Variants in SMG5 observed in about 807,000 individuals in gnomAD.
SMG5 encodes the protein nonsense-mediated mRNA decay factor SMG5.
In SMG5, 53 loss-of-function variants were observed where a neutral mutation model predicts 122.9. The ratio of observed to expected loss-of-function variants is 0.43; its 90% CI spans 0.35 to 0.54. The LOEUF (loss-of-function observed/expected upper bound fraction) is 0.54. Among genes scored for constraint, SMG5 ranks in the 20% least tolerant of loss-of-function variants. The pLI, the probability that SMG5 is intolerant of heterozygous loss-of-function variation, is 0.01. For missense variants in SMG5, 1,153 were observed against 1,285.6 expected (o/e 0.90, Z 1.58); for synonymous variants, 477 against 490.2 (o/e 0.97, Z 0.35).
chr1:156,265,729 T>G, intron 12 of SMG5, 52 bp downstream of exon 12: 6 of 1,576,416 alleles, frequency 3.8e-6, no homozygotes, highest in Non-Finnish European at 5.2e-6. Flanking sequence ...CTGGTGAGTG[T>G]CTATGGCATG....
the SMG5 span, among the ~76,000 whole-genome samples, chr1:156,288,189 C>A: frequency 6.9e-6 from 1 of 144,024 alleles, no homozygotes; most frequent in Non-Finnish European, 1.5e-5. Context: ...AAGAGTGAGA[C>A]TCCGTCTCAA....
In SMG5 at chr1:156,282,731, A is replaced by G. The variant is rs1663019460; in HGVS notation, c.-51T>C. The G allele has an allele frequency of 2.0e-6, 3 of 1,536,160 alleles. No homozygotes were observed. Among genetic ancestry groups the G allele is most frequent in the African/African-American group, 2.7e-5 (2 of 73,140 alleles). ...CGGTCACAGGCCCCTGCCACCCACC[A>G]CTACCGCCAACACTGCCGTCTCCGG... is the stretch of plus-strand genomic sequence containing the variant. On this transcript the variant is annotated 5_prime_UTR_variant, in exon 1 of 22. Coordinates refer to ENST00000361813, the MANE Select transcript of SMG5 (RefSeq NM_015327.3).
At chr1:156,276,875 C>T (rs1043586402) in intron 4 of SMG5, among the ~76,000 whole-genome samples, 1 of 152,238 alleles carries the variant, frequency 6.6e-6, no homozygotes, top group Non-Finnish European at 1.5e-5. Context: ...CTGCCTTAGT[C>T]CACAATCCCA....
upstream of SMG5, chr1:156,285,731 C>T: frequency 1.2e-6 from 2 of 1,613,244 alleles, no homozygotes; most frequent in South Asian, 2.2e-5. Context: ...CCACCCCGAC[C>T]CCACTGAGCG....
chr1:156,268,837 A>T (rs1446588845), intron 7 of SMG5, among the ~76,000 whole-genome samples: 2 of 152,230 alleles, frequency 1.3e-5, no homozygotes, highest in African/African-American at 4.8e-5. Flanking sequence ...ACATGTACTG[A>T]GCACCCACTG....
upstream of SMG5, chr1:156,282,995 T>C (rs573072946): frequency 2.0e-6 from 1 of 505,488 alleles, no homozygotes; most frequent in Non-Finnish European, 3.5e-6. Flanking sequence ...CGAAAAACTT[T>C]ATTGGCAAAG....
intron 13 of SMG5, among the ~76,000 whole-genome samples, chr1:156,262,992 G>A (rs935091412): frequency 2.6e-5 from 4 of 152,172 alleles, no homozygotes; most frequent in South Asian, 2.1e-4. Context: ...CCCCTGCCTA[G>A]TACATCTTCA....
Position 156,268,188 on chromosome 1 carries a change from A to T in SMG5, c.840-5T>A. ...AACCTTTTAATGTCTTTACATCTGA[A>T]ATGAGAAGAGCCCAAAGTAAATGCT... On this transcript the variant is annotated splice_region_variant and splice_polypyrimidine_tract_variant and intron_variant, in intron 8 of 21. Coordinates refer to ENST00000361813, the MANE Select transcript of SMG5 (RefSeq NM_015327.3). 6.2e-7 allele frequency: 1 copy of T among 1,614,142 alleles called. No homozygotes were observed. Among genetic ancestry groups the T allele is most frequent in the Non-Finnish European group, 8.5e-7 (1 of 1,180,012 alleles).
chr1:156,290,670 A>C, the SMG5 span: 1 of 152,138 alleles, frequency 6.6e-6, no homozygotes, highest in Non-Finnish European at 1.5e-5. Flanking sequence ...TCTACTAAAA[A>C]TACAAAAAAA....
At chr1:156,256,583 C>T (rs1661585334) in intron 16 of SMG5, among the ~76,000 whole-genome samples, 1 of 152,040 alleles carries the variant, frequency 6.6e-6, no homozygotes, top group South Asian at 2.1e-4. Flanking sequence ...AAAAGCTCCC[C>T]CAGAGAACTA....
intron 16 of SMG5, among the ~76,000 whole-genome samples, chr1:156,258,726 C>T (rs1312322344): frequency 6.6e-6 from 1 of 151,864 alleles, no homozygotes; most frequent in Non-Finnish European, 1.5e-5. Context: ...AACCTGGGAG[C>T]CGGAGGTTGC....
rs192882468 is a variant in SMG5, at chr1:156,268,237, T to A, written c.839+53A>T. The A allele has an allele frequency of 1.0e-4, 161 of 1,614,056 alleles. 1 individual carries two copies. Among genetic ancestry groups the A allele is most frequent in the Admixed American group, 6.0e-4 (36 of 60,006 alleles). ...CTGAATGGTCCCGCAGTCCCTATGG[T>A]CCTACTGCACCAACTGCAGAAAAAA... On this transcript the variant is annotated intron_variant, in intron 8 of 21. Transcript: ENST00000361813.
the SMG5 span, chr1:156,291,488 T>C: frequency 6.4e-5 from 104 of 1,613,240 alleles, 1 homozygote; most frequent in Admixed American, 1.6e-3. Context: ...GAACCTCTAC[T>C]ACATGTTCGT....
chr1:156,251,544 T>C, intron 19 of SMG5, 67 bp from the exon 20 acceptor site: 1 of 1,544,334 alleles, frequency 6.5e-7, no homozygotes, highest in Non-Finnish European at 8.9e-7. Flanking sequence ...CACAAAGCAG[T>C]CTGTTGTGGC....
chr1:156,261,328 C>T lies in SMG5; in HGVS notation c.2107+5G>A. On this transcript the variant is annotated splice_donor_5th_base_variant and intron_variant, in intron 14 of 21. Coordinates refer to ENST00000361813, the MANE Select transcript of SMG5 (RefSeq NM_015327.3). ...AAAGGAGGGTAGTGCCAGGGACCCA[C>T]TCACCAGACTCCTGGAGTTCACCAG... 6.2e-7 allele frequency: 1 copy of T among 1,614,040 alleles called. No individual in the cohort carries two copies. Among genetic ancestry groups the T allele is most frequent in the African/African-American group, 1.3e-5 (1 of 75,026 alleles).
chr1:156,267,799 C>A, intron 9 of SMG5, 121 bp from the exon 10 acceptor site: 2 of 872,972 alleles, frequency 2.3e-6, no homozygotes, highest in Non-Finnish European at 3.6e-6. Context: ...TGAGAGCACA[C>A]CAGGGAAGGG....
intron 5 of SMG5, 65 bp from the exon 6 acceptor site, chr1:156,273,515 T>A: frequency 2.1e-6 from 3 of 1,453,800 alleles, no homozygotes; most frequent in African/African-American, 1.4e-5. Context: ...CTCCCCCACA[T>A]CTGGGAGTCC....
At chr1:156,256,890 A>C (rs6696472) in intron 16 of SMG5, among the ~76,000 whole-genome samples, 4,356 of 151,700 alleles carry the variant, frequency 0.029, 193 homozygotes, top group African/African-American at 0.099. Flanking sequence ...TGATCTTGGG[A>C]ATGTTCCTTT....
chr1:156,261,507 T>C, intron 13 of SMG5, 99 bp from the exon 14 acceptor site: 1 of 931,850 alleles, frequency 1.1e-6, no homozygotes, highest in East Asian at 2.5e-5. Context: ...TGGCCTATGT[T>C]CAGAGGCCTG....
Sources: gnomAD v4.1 joint callset for allele counts (sites outside exome capture counted in the v4.1 genomes callset) on GRCh38, gnomAD v4.1.1 for gene constraint, MANE v1.5 for transcripts, NCBI Gene and HGNC (gene_info 2026-07-23, HGNC 2026-07-21) for gene names.